The following AUTS2 variants were observed in gnomAD, a reference collection of about 807,000 sequenced individuals.
AUTS2 encodes autism susceptibility gene 2 protein.
Under a neutral mutation model 112.4 loss-of-function variants are expected in AUTS2, and 17 were observed. That is an observed-to-expected ratio of 0.15 (90% confidence interval 0.10 to 0.23). The LOEUF (loss-of-function observed/expected upper bound fraction) is 0.23. Among genes scored for constraint, AUTS2 ranks in the 10% least tolerant of loss-of-function variants. AUTS2 has a pLI of 1.00. For missense variants in AUTS2, 1,510 were observed against 1,701.6 expected (o/e 0.89, Z 1.98); for synonymous variants, 751 against 702.7 (o/e 1.07, Z -1.09).
chr7:70,070,822 C>T (rs1186911603), intron 2 of AUTS2, among the ~76,000 whole-genome samples: 3 of 148,946 alleles, frequency 2.0e-5, no homozygotes, highest in African/African-American at 2.5e-5. Context: ...CGGTGAGCCG[C>T]GATCAAGATC....
At chr7:69,710,328 C>A (rs1798257893) in intron 1 of AUTS2, among the ~76,000 whole-genome samples, 1 of 152,034 alleles carries the variant, frequency 6.6e-6, no homozygotes, top group Admixed American at 6.6e-5. Context: ...ATTAAAATGC[C>A]CACTGTTATA....
At chr7:70,244,593 G>T (rs1256938818) in intron 4 of AUTS2, among the ~76,000 whole-genome samples, 1 of 152,128 alleles carries the variant, frequency 6.6e-6, no homozygotes, top group East Asian at 1.9e-4. Flanking sequence ...CAGCAGTTCT[G>T]TGAATGACTA....
At chr7:69,907,695 C>A (rs1256676920) in intron 2 of AUTS2, among the ~76,000 whole-genome samples, 1 of 152,216 alleles carries the variant, frequency 6.6e-6, no homozygotes, top group African/African-American at 2.4e-5. Flanking sequence ...AGAGGGCCAA[C>A]TGTATCATAT....
chr7:70,008,402 A>C (rs930345164), intron 2 of AUTS2, among the ~76,000 whole-genome samples: 3 of 152,170 alleles, frequency 2.0e-5, no homozygotes, highest in African/African-American at 7.2e-5. Flanking sequence ...CCTTTAAAAA[A>C]TATTATGCAT....
chr7:69,881,725 T>G (rs929335650), intron 1 of AUTS2, among the ~76,000 whole-genome samples: 1 of 152,172 alleles, frequency 6.6e-6, no homozygotes, highest in Non-Finnish European at 1.5e-5. Context: ...CACAGCCCTG[T>G]CTCAGAACTT....
At chr7:69,922,008 G>C (rs1795836300) in intron 2 of AUTS2, among the ~76,000 whole-genome samples, 1 of 152,074 alleles carries the variant, frequency 6.6e-6, no homozygotes, top group East Asian at 1.9e-4. Context: ...AGGTTGCAGT[G>C]AGCCGAGATC....
At chr7:70,181,177 C>T (rs1416672910) in intron 4 of AUTS2, among the ~76,000 whole-genome samples, 1 of 152,156 alleles carries the variant, frequency 6.6e-6, no homozygotes, top group East Asian at 1.9e-4. Context: ...TAAGCCTATG[C>T]CACCATTTAT....
At chr7:70,135,869 T>C (rs1806530648) in intron 4 of AUTS2, among the ~76,000 whole-genome samples, 1 of 152,114 alleles carries the variant, frequency 6.6e-6, no homozygotes, top group African/African-American at 2.4e-5. Flanking sequence ...TGGATGTAGG[T>C]TGAGATGCTG....
intron 2 of AUTS2, among the ~76,000 whole-genome samples, chr7:69,907,507 C>T (rs1795194298): frequency 6.6e-6 from 1 of 152,172 alleles, no homozygotes; most frequent in Admixed American, 6.5e-5. Flanking sequence ...CTCTCACAAA[C>T]TTTAAATCAT....
intron 5 of AUTS2, among the ~76,000 whole-genome samples, chr7:70,528,151 A>G (rs978196674): frequency 1.6e-5 from 2 of 128,990 alleles, no homozygotes; most frequent in African/African-American, 5.9e-5. Context: ...TTCTATAGGG[A>G]TAAGGTAATA....
chr7:69,623,360 C>T lies in AUTS2; in HGVS notation c.309+23398C>T, dbSNP rs1265811679. Among the ~76,000 whole-genome samples the T allele has an allele frequency of 2.0e-5, 3 of 149,576 alleles. No homozygotes were observed. In the East Asian group the frequency reaches 5.9e-4, roughly 29 times the overall value. ...GCCTTAGCCTCCCAAAAAGCTGGGA[C>T]TACCACCACCACGCCCAGCAATTTT... On this transcript the variant is annotated intron_variant, in intron 1 of 18. Transcript: ENST00000342771.
chr7:70,633,965 T>C (rs1359049942), intron 5 of AUTS2, among the ~76,000 whole-genome samples: 1 of 152,096 alleles, frequency 6.6e-6, no homozygotes, highest in Admixed American at 6.6e-5. Flanking sequence ...TCATCAGCAT[T>C]GATTCTGGGT....
At chr7:69,747,513 T>C (rs562848677) in intron 1 of AUTS2, among the ~76,000 whole-genome samples, 1 of 152,358 alleles carries the variant, frequency 6.6e-6, no homozygotes, top group East Asian at 1.9e-4. Flanking sequence ...GTGGACATTA[T>C]AAACAAGATC....
intron 2 of AUTS2, among the ~76,000 whole-genome samples, chr7:70,078,969 T>G (rs924474684): frequency 1.3e-5 from 2 of 152,216 alleles, no homozygotes; most frequent in East Asian, 1.9e-4. Context: ...ACTATATCTT[T>G]GCTTTTTTCT....
At chr7:70,224,349 C>A (rs1042468997) in intron 4 of AUTS2, among the ~76,000 whole-genome samples, 2 of 105,350 alleles carry the variant, frequency 1.9e-5, no homozygotes, top group African/African-American at 9.4e-5. Flanking sequence ...CAATACAATA[C>A]AATACAATAC....
At chr7:69,828,713 T>G (rs1226824395) in intron 1 of AUTS2, among the ~76,000 whole-genome samples, 1 of 152,138 alleles carries the variant, frequency 6.6e-6, no homozygotes, top group East Asian at 1.9e-4. Context: ...AATATTATAT[T>G]GTAATGTCCA....
chr7:70,160,905 A>G (rs1437085770), intron 4 of AUTS2, among the ~76,000 whole-genome samples: 1 of 152,170 alleles, frequency 6.6e-6, no homozygotes, highest in African/African-American at 2.4e-5. Flanking sequence ...TCAAAATACT[A>G]CTAAATGAAG....
rs751130860 is a variant in AUTS2 at position 70,790,560 on chromosome 7, C to G, written c.3344C>G (p.Ser1115Cys). The G allele has an allele frequency of 1.2e-6, 2 of 1,603,560 alleles. No homozygotes were observed. Among genetic ancestry groups the G allele is most frequent in the Admixed American group, 1.7e-5 (1 of 58,420 alleles). ...STPRLYEADR[S>C]FRDREPHDYS... ...CCCCGGCTGTACGAAGCCGACCGCT[C>G]CTTCAGGGACCGGGAGCCTCACGAC... The change falls in exon 19 of 19, where the codon TCC (serine) becomes TGC (cysteine). Residue 1115 changes from serine (S) to cysteine (C), a missense_variant. Physicochemically the swap from Ser to Cys is moderately radical, Grantham distance 112. This residue lies in a region of AUTS2 where 788 missense variants were observed against 797.6 expected (regional missense o/e 0.99). Coordinates refer to ENST00000342771, the MANE Select transcript of AUTS2 (RefSeq NM_015570.4). This position sits in a 1 kb window ranked among gnomAD's most constrained non-coding sequence, Gnocchi z 7.6.
chr7:70,485,744 G>A (rs1461659050), intron 5 of AUTS2, among the ~76,000 whole-genome samples: 1 of 152,128 alleles, frequency 6.6e-6, no homozygotes, highest in Non-Finnish European at 1.5e-5. Context: ...CCCATTAGGG[G>A]ACCCCGTGTG....
Sources: gnomAD v4.1 joint callset for allele counts (sites outside exome capture counted in the v4.1 genomes callset) on GRCh38, gnomAD v4.1.1 for gene constraint, gnomAD v4.1.1 regional missense constraint, Gnocchi (gnomAD v3.1) non-coding constraint, MANE v1.5 for transcripts, NCBI Gene and HGNC (gene_info 2026-07-23, HGNC 2026-07-21) for gene names.